OR8J1: variants seen among roughly 807,000 people sequenced by gnomAD.
The protein encoded by OR8J1 is olfactory receptor 8J1.
For synonymous variants in OR8J1, 157 were observed against 144.3 expected, an observed-to-expected ratio of 1.09 and a Z score of -0.63; for missense variants, 400 against 373.0, an observed-to-expected ratio of 1.07 and a Z score of -0.60.
Position 56,360,953 on chromosome 11 carries a change from A to G in OR8J1, c.707A>G (p.Lys236Arg), listed in dbSNP as rs958172569. The change falls in exon 2 of 2, where the codon AAA (lysine) becomes AGA (arginine). Residue 236 changes from lysine to arginine, a missense_variant. Transcript: ENST00000533152. ...ATATGTTCATCAGAAGGAAGGAAAA[A>G]AGCCTTTTCTACCTGTGCTTCACAT... ...LKICSSEGRK[K>R]AFSTCASHMM... is the part of the protein sequence containing the mutation. 1 of 1,478,520 alleles carries G rather than the reference A, an allele frequency of 6.8e-7. No individual in the cohort carries two copies. The allele number at this position is 1,478,520 out of a possible 1,614,324, so 91.6% of individuals were successfully genotyped here. A position where few individuals can be genotyped will look rare whatever the true frequency, so the allele number is the denominator to read the frequency against.
intron 1 of OR8J1, among the ~76,000 whole-genome samples, chr11:56,356,910 C>G (rs1854976190): frequency 1.3e-5 from 2 of 152,060 alleles, no homozygotes; most frequent in African/African-American, 4.8e-5. Context: ...AAAAATGGCA[C>G]AGCTGTTAGT....
At position 56,361,159 on chromosome 11, in the gene OR8J1, T is replaced by C. The variant is rs757008828; in HGVS notation, c.913T>C (p.Phe305Leu). The C allele has an allele frequency of 1.4e-5, 20 of 1,416,338 alleles. No homozygotes were observed. In the East Asian group the frequency reaches 2.8e-4, roughly 20 times the overall value. 87.7% of individuals were successfully genotyped at this position (1,416,338 alleles called of 1,614,324 possible). A position where few individuals can be genotyped will look rare whatever the true frequency, so the allele number is the denominator to read the frequency against. ...NKDVKTALQR[F>L]MTNLCYSFKT... ...GGATGTGAAGACTGCTCTACAGAGA[T>C]TCATGACAAATCTGTGCTATTCCTT... Residue 305 changes from phenylalanine to leucine, a missense_variant, in exon 2 of 2, where the codon TTC becomes CTC. Phe to Leu is a conservative substitution (Grantham distance 22). Coordinates refer to ENST00000533152, the MANE Select transcript of OR8J1 (RefSeq NM_001005205.3).
Position 56,360,589 on chromosome 11 carries a change from C to T in OR8J1, c.343C>T (p.Leu115=), listed in dbSNP as rs994678409. ...CTTTATTGTATCGGAGGTAATCATG[C>T]TGGCTTTGATGGCCTATGACCGCTA... ...LFFIVSEVIM[L]ALMAYDRYVA... The change falls in exon 2 of 2, where the codon CTG becomes TTG. Residue 115 remains leucine (L), a synonymous_variant. Coordinates refer to ENST00000533152, the MANE Select transcript of OR8J1 (RefSeq NM_001005205.3). The T allele has an allele frequency of 6.2e-7, 1 of 1,613,876 alleles. No homozygotes were observed. Among genetic ancestry groups the T allele is most frequent in the Non-Finnish European group, 8.5e-7 (1 of 1,179,974 alleles).
chr11:56,356,053 G>C (rs1267542651), intron 1 of OR8J1, among the ~76,000 whole-genome samples: 1 of 152,072 alleles, frequency 6.6e-6, no homozygotes, highest in East Asian at 1.9e-4. Context: ...TGATAAATGA[G>C]GTAAAAGCAT....
At position 56,357,850 on chromosome 11, in the gene OR8J1, G is replaced by A. The variant is rs1854990829; in HGVS notation, c.-20-2377G>A. The A allele has an allele frequency of 4.3e-6, 4 of 939,784 alleles. No individual in the cohort carries two copies. The South Asian group carries it at 5.1e-5, about 12-fold the overall frequency. The allele number at this position is 939,784 out of a possible 1,614,324, so 58.2% of individuals were successfully genotyped here. ...GTTGGAGGCTTGTCTATCCCTCACA[G>A]TACCAAACAATTCCCTGATTATGAT... On this transcript the variant is annotated intron_variant, in intron 1 of 1. Coordinates refer to ENST00000533152, the MANE Select transcript of OR8J1 (RefSeq NM_001005205.3).
chr11:56,356,185 CAATAATT>C (rs1854965524), intron 1 of OR8J1, among the ~76,000 whole-genome samples: 1 of 151,962 alleles, frequency 6.6e-6, no homozygotes, highest in East Asian at 1.9e-4. Context: ...AAGAAGGATA[CAATAATT>C]AATGAAAGTG....
At chr11:56,355,853 G>A (rs12226632) in intron 1 of OR8J1, among the ~76,000 whole-genome samples, 24,636 of 152,074 alleles carry the variant, frequency 0.16, 2,243 homozygotes, top group South Asian at 0.34. Context: ...CCTCATTTCT[G>A]GTTTTTAAAT....
At chr11:56,360,172 GGCAGTCCT>G in intron 1 of OR8J1, 47 bp from the exon 2 acceptor site, 1 of 1,164,996 alleles carries the variant, frequency 8.6e-7, no homozygotes, top group Non-Finnish European at 1.2e-6. Flanking sequence ...GCCATATAAG[GGCAGTCCT>G]GCAAATAATT....
At chr11:56,356,448 T>C (rs547958554) in intron 1 of OR8J1, among the ~76,000 whole-genome samples, 4 of 152,196 alleles carry the variant, frequency 2.6e-5, no homozygotes, top group Non-Finnish European at 2.9e-5. Flanking sequence ...AGCATTTACA[T>C]TGGCTGATAG....
intron 1 of OR8J1, chr11:56,358,173 A>G (rs1852584222): frequency 3.1e-6 from 1 of 326,882 alleles, no homozygotes; most frequent in Admixed American, 3.4e-5. Flanking sequence ...GGGTAGCTCG[A>G]AAGAAGGCAA....
In OR8J1 at chr11:56,360,466, T is replaced by G; in HGVS notation, c.220T>G (p.Ser74Ala). The G allele has an allele frequency of 6.2e-7, 1 of 1,614,144 alleles. No individual in the cohort carries two copies. Among genetic ancestry groups the G allele is most frequent in the Non-Finnish European group, 8.5e-7 (1 of 1,180,012 alleles). Residue 74 changes from serine (S) to alanine (A), a missense_variant, in exon 2 of 2, where the codon TCT becomes GCT. Physicochemically the swap from Ser to Ala is moderately conservative, Grantham distance 99. Coordinates refer to ENST00000533152, the MANE Select transcript of OR8J1 (RefSeq NM_001005205.3). ...TCTGGCTCTCATTAATCTTGGTAAC[T>G]CTACTGTCATTGCCCCTAAAATGCT... ...QHLALINLGN[S>A]TVIAPKMLIN...
rs776078174 is a variant in OR8J1 at position 56,361,019 on chromosome 11, T to C, written c.773T>C (p.Met258Thr). 1.3e-5 allele frequency: 20 copies of C among 1,500,344 alleles called. No homozygotes were observed. Among genetic ancestry groups the C allele is most frequent in the South Asian group, 5.9e-5 (4 of 68,316 alleles). The allele number at this position is 1,500,344 out of a possible 1,614,324, so 92.9% of individuals were successfully genotyped here. A position where few individuals can be genotyped will look rare whatever the true frequency, so the allele number is the denominator to read the frequency against. The change falls in exon 2 of 2, where the codon ATG becomes ACG. Residue 258 changes from methionine (M) to threonine (T), a missense_variant. Transcript: ENST00000533152. ...ATTTTTTATGGGACATTGCTATTCA[T>C]GTATGTGCAGCCCCGAAGTAACCAT... is the stretch of plus-strand genomic sequence containing the variant. ...VTIFYGTLLFMYVQPRSNHSL... is the reference protein window; with the variant it reads ...VTIFYGTLLFTYVQPRSNHSL...
At chr11:56,360,140 A>C in intron 1 of OR8J1, 87 bp from the exon 2 acceptor site, 1 of 821,360 alleles carries the variant, frequency 1.2e-6, no homozygotes, top group Non-Finnish European at 1.9e-6. Flanking sequence ...ATTCAAAGAA[A>C]TGTTATCAGG....
chr11:56,356,889 G>T (rs1226613064), intron 1 of OR8J1, among the ~76,000 whole-genome samples: 1 of 151,836 alleles, frequency 6.6e-6, no homozygotes, highest in African/African-American at 2.4e-5. Flanking sequence ...AAAACATATT[G>T]TCTCATATTC....
intron 1 of OR8J1, chr11:56,357,680 T>C (rs1854988583): frequency 1.3e-6 from 2 of 1,582,318 alleles, no homozygotes; most frequent in African/African-American, 1.3e-5. Flanking sequence ...ACAAGATCTA[T>C]GAAGGCCAAG....
chr11:56,361,065 G>T lies in OR8J1; in HGVS notation c.819G>T (p.Lys273Asn). ...ACCATTCACTGGATACTGATGATAA[G>T]ATGGCTTCTGTGTTTTACACGTTGG... ...RSNHSLDTDD[K>N]MASVFYTLVI... Residue 273 changes from lysine (K) to asparagine (N), a missense_variant, in exon 2 of 2, where the codon AAG becomes AAT. Lys to Asn is a moderately conservative substitution (Grantham distance 94). Coordinates refer to ENST00000533152, the MANE Select transcript of OR8J1 (RefSeq NM_001005205.3). 1 of 1,511,080 alleles carries T rather than the reference G, an allele frequency of 6.6e-7. No individual in the cohort carries two copies. The highest frequency in any genetic ancestry group is 8.8e-7 in the Non-Finnish European group (1 of 1,138,018). The allele number at this position is 1,511,080 out of a possible 1,614,324, so 93.6% of individuals were successfully genotyped here.
rs7928704 is a variant in OR8J1 at position 56,361,048 on chromosome 11, C to T, written c.802C>T (p.Leu268=). Residue 268 remains leucine, a synonymous_variant, in exon 2 of 2, where the codon CTG becomes TTG. Transcript: ENST00000533152. Reference sequence around the variant, plus strand: ...TGTGCAGCCCCGAAGTAACCATTCACTGGATACTGATGATAAGATGGCTTC... The same window carrying T: ...TGTGCAGCCCCGAAGTAACCATTCATTGGATACTGATGATAAGATGGCTTC... ...MYVQPRSNHS[L]DTDDKMASVF... is the part of the protein sequence containing the mutation. The T allele has an allele frequency of 0.88, 1,315,047 of 1,496,290 alleles. 578,703 individuals are homozygous for T. The highest frequency in any genetic ancestry group is 0.94 in the African/African-American group (65,727 of 69,770). 92.7% of individuals were successfully genotyped at this position (1,496,290 alleles called of 1,614,324 possible). A position where few individuals can be genotyped will look rare whatever the true frequency, so the allele number is the denominator to read the frequency against.
At chr11:56,354,789 A>G (rs1854945970) in intron 1 of OR8J1, among the ~76,000 whole-genome samples, 1 of 152,222 alleles carries the variant, frequency 6.6e-6, no homozygotes, top group African/African-American at 2.4e-5. Context: ...TTATCCATTC[A>G]ATGTGGTAAT....
chr11:56,360,394 A>G lies in OR8J1; in HGVS notation c.148A>G (p.Ser50Gly), dbSNP rs1852617393. 6.2e-7 allele frequency: 1 copy of G among 1,614,102 alleles called. No homozygotes were observed. Among genetic ancestry groups the G allele is most frequent in the Non-Finnish European group, 8.5e-7 (1 of 1,180,004 alleles). Residue 50 changes from serine (S) to glycine (G), a missense_variant, in exon 2 of 2, where the codon AGT becomes GGT. Coordinates refer to ENST00000533152, the MANE Select transcript of OR8J1 (RefSeq NM_001005205.3). ...AGNLGIITLTSVDSRLQTPMY... is the reference protein window; with the variant it reads ...AGNLGIITLTGVDSRLQTPMY... The stretch of plus-strand genomic sequence containing the variant: ...GAACCTGGGCATCATCACCCTCACC[A>G]GTGTTGACTCTCGACTTCAAACCCC...
Sources: allele counts gnomAD v4.1 joint callset (sites outside exome capture counted in the v4.1 genomes callset), GRCh38; gene constraint gnomAD v4.1.1; transcripts MANE v1.5; gene names NCBI Gene and HGNC (gene_info 2026-07-23, HGNC 2026-07-21).